CEP44: variants seen among roughly 807,000 people sequenced by gnomAD.
CEP44 encodes centrosomal protein 44, also known as centrosomal protein of 44 kDa.
CEP44 carries 45 observed loss-of-function variants against 46.7 expected under a neutral mutation model. The ratio of observed to expected loss-of-function variants is 0.96; its 90% CI spans 0.76 to 1.24. CEP44 has a LOEUF of 1.24. Among genes scored for constraint, CEP44 ranks in the 50% most tolerant of loss-of-function variants. The pLI, the probability that CEP44 is intolerant of heterozygous loss-of-function variation, is 0.00. For missense variants in CEP44, 475 were observed against 459.7 expected, an observed-to-expected ratio of 1.03 and a Z score of -0.30; for synonymous variants, 142 against 146.0, an observed-to-expected ratio of 0.97 and a Z score of 0.20.
At chr4:174,294,957 C>T (rs1207646734) in intron 1 of CEP44, among the ~76,000 whole-genome samples, 7 of 142,470 alleles carry the variant, frequency 4.9e-5, no homozygotes, top group Admixed American at 6.8e-5. Flanking sequence ...ACCTCCTGGA[C>T]GGGACGGCTG....
rs370951061 is a variant in CEP44 at position 174,316,466 on chromosome 4, G to T, written c.1087-64G>T. 1.5e-5 allele frequency: 22 copies of T among 1,438,828 alleles called. No homozygotes were observed. In the African/African-American group the frequency reaches 3.0e-4, roughly 20 times the overall value. 89.1% of individuals were successfully genotyped at this position (1,438,828 alleles called of 1,614,324 possible). A position where few individuals can be genotyped will look rare whatever the true frequency, so the allele number is the denominator to read the frequency against. On this transcript the variant is annotated intron_variant, in intron 10 of 11. Coordinates refer to ENST00000503780, the MANE Select transcript of CEP44 (RefSeq NM_001040157.3). Reference sequence around the variant, plus strand: ...TTCAAACTGTGTTTTGTACATTCTCGGTCCATCTTTGATGATGGTTTACTT... The same window carrying T: ...TTCAAACTGTGTTTTGTACATTCTCTGTCCATCTTTGATGATGGTTTACTT...
chr4:174,299,093 A>G lies in CEP44; in HGVS notation c.-29A>G. Reference sequence around the variant, plus strand: ...TCAGGTGAAAAATTAGACGATTTCAAGAATTGGAGCTGAATCTGATGTTAA... The same window carrying G: ...TCAGGTGAAAAATTAGACGATTTCAGGAATTGGAGCTGAATCTGATGTTAA... On this transcript the variant is annotated 5_prime_UTR_variant, in exon 3 of 12. Coordinates refer to ENST00000503780, the MANE Select transcript of CEP44 (RefSeq NM_001040157.3). The G allele has an allele frequency of 6.3e-7, 1 of 1,582,350 alleles. No individual in the cohort carries two copies. The highest frequency in any genetic ancestry group is 2.2e-5 in the East Asian group (1 of 44,646).
chr4:174,322,938 C>A (rs1263995955), downstream of CEP44, among the ~76,000 whole-genome samples: 7 of 151,740 alleles, frequency 4.6e-5, no homozygotes, highest in African/African-American at 1.7e-4. Context: ...TATTTTTGAG[C>A]CTAAATGTGA....
chr4:174,312,403 T>G lies in CEP44; in HGVS notation c.961+1545T>G, dbSNP rs763491955. Among the ~76,000 whole-genome samples the G allele has an allele frequency of 1.8e-4, 28 of 152,018 alleles. No individual in the cohort carries two copies. The highest frequency in any genetic ancestry group is 4.0e-4 in the Non-Finnish European group (27 of 67,980). ...CTCCTTGGCTTAAAGTGATCCTCCT[T>G]TCTCAGCCTCCTGAGTAGCTGGGAC... On this transcript the variant is annotated intron_variant, in intron 9 of 11. Coordinates refer to ENST00000503780, the MANE Select transcript of CEP44 (RefSeq NM_001040157.3). This position sits in a 1 kb window ranked among gnomAD's most constrained non-coding sequence, Gnocchi z 4.5.
At chr4:174,327,930 AAC>A (rs975455471) in intron 8 of CEP44, among the ~76,000 whole-genome samples, 6 of 152,230 alleles carry the variant, frequency 3.9e-5, no homozygotes, top group African/African-American at 1.4e-4. Context: ...AAGTTGGAGA[AAC>A]ACTGGTAAAG....
downstream of CEP44, chr4:174,320,466 T>C (rs1372592334): frequency 3.8e-6 from 1 of 260,088 alleles, no homozygotes; most frequent in South Asian, 1.9e-4. Context: ...GTAACTTTGA[T>C]TTTTACTTTT....
chr4:174,307,240 C>G (rs1156496752), intron 6 of CEP44, among the ~76,000 whole-genome samples: 1 of 152,138 alleles, frequency 6.6e-6, no homozygotes, highest in African/African-American at 2.4e-5. Context: ...ACCAAAACAT[C>G]ATGGTACTAG....
chr4:174,294,833 G>C (rs567920984), intron 1 of CEP44, among the ~76,000 whole-genome samples: 5 of 138,646 alleles, frequency 3.6e-5, no homozygotes, highest in Non-Finnish European at 7.9e-5. Context: ...TCCCGGACGG[G>C]ACGGCTGGCC....
At chr4:174,294,999 T>A (rs1366310661) in intron 1 of CEP44, among the ~76,000 whole-genome samples, 5 of 128,022 alleles carry the variant, frequency 3.9e-5, no homozygotes, top group Non-Finnish European at 8.1e-5. Flanking sequence ...CCCACCTCCC[T>A]CCCGGATGGG....
rs963579798 is a variant in CEP44, at chr4:174,314,617, G to A, written c.962-1549G>A. ...TCCTTCACCCTTTATCTGTCTTCCCGGACCTGTTTCCTTTTCCTAGGGCCC... is the reference window on the plus strand; with the variant it reads ...TCCTTCACCCTTTATCTGTCTTCCCAGACCTGTTTCCTTTTCCTAGGGCCC... On this transcript the variant is annotated intron_variant, in intron 9 of 11. Coordinates refer to ENST00000503780, the MANE Select transcript of CEP44 (RefSeq NM_001040157.3). This position sits in a 1 kb window ranked among gnomAD's most constrained non-coding sequence, Gnocchi z 4.1. Among the ~76,000 whole-genome samples the A allele has an allele frequency of 5.3e-5, 8 of 152,024 alleles. No individual in the cohort carries two copies. Among genetic ancestry groups the A allele is most frequent in the African/African-American group, 1.5e-4 (6 of 41,342 alleles).
In CEP44 at chr4:174,312,065, A is replaced by G. The variant is rs1369067112; in HGVS notation, c.961+1207A>G. Among the ~76,000 whole-genome samples, 1 of 152,214 alleles carries G rather than the reference A, an allele frequency of 6.6e-6. No individual in the cohort carries two copies. Among genetic ancestry groups the G allele is most frequent in the Admixed American group, 6.5e-5 (1 of 15,278 alleles). On this transcript the variant is annotated intron_variant, in intron 9 of 11. Transcript: ENST00000503780. The surrounding 1 kb of genome is among the most constrained non-coding windows in gnomAD (Gnocchi z 4.5). ...ATCTTATGGTCTGCCTGTCTAGCAC[A>G]CAGAAAGTATGTCGGTGCTTTTATC...
Position 174,290,087 on chromosome 4 carries a change from C to G in CEP44, c.-148+6144C>G, listed in dbSNP as rs1489858042. Among the ~76,000 whole-genome samples the G allele has an allele frequency of 2.6e-5, 4 of 152,108 alleles. No individual in the cohort carries two copies. ...GCCAGGATGGTCTCAATCTCTTGACCTAGTGACCCGCCTGCCTCAGCCCCC... is the reference window on the plus strand; with the variant it reads ...GCCAGGATGGTCTCAATCTCTTGACGTAGTGACCCGCCTGCCTCAGCCCCC... On this transcript the variant is annotated intron_variant, in intron 1 of 11. Transcript: ENST00000503780. The surrounding 1 kb of genome is among the most constrained non-coding windows in gnomAD (Gnocchi z 4.3).
In CEP44 at chr4:174,304,238, T is replaced by C. The variant is rs992724711; in HGVS notation, c.385-9T>C. The C allele has an allele frequency of 6.3e-7, 1 of 1,576,824 alleles. No individual in the cohort carries two copies. The highest frequency in any genetic ancestry group is 1.4e-5 in the African/African-American group (1 of 72,484). ...AATTTGTTATTTTGACTAATACCTT[T>C]TTTTTTAGATTCCATCACAACAAAG... On this transcript the variant is annotated splice_polypyrimidine_tract_variant and intron_variant, in intron 5 of 11. Coordinates refer to ENST00000503780, the MANE Select transcript of CEP44 (RefSeq NM_001040157.3).
chr4:174,317,544 T>C lies in CEP44; in HGVS notation c.*161T>C. 1 of 1,185,384 alleles carries C rather than the reference T, an allele frequency of 8.4e-7. No homozygotes were observed. The highest frequency in any genetic ancestry group is 4.4e-5 in the Admixed American group (1 of 22,668). The allele number at this position is 1,185,384 out of a possible 1,614,324, so 73.4% of individuals were successfully genotyped here. A position where few individuals can be genotyped will look rare whatever the true frequency, so the allele number is the denominator to read the frequency against. On this transcript the variant is annotated 3_prime_UTR_variant, in exon 12 of 12. Coordinates refer to ENST00000503780, the MANE Select transcript of CEP44 (RefSeq NM_001040157.3). ...TTGCATTCATTATTGAATAACTCTTTTAATATTTTTGAGCAATGATTATAC... is the reference window on the plus strand; with the variant it reads ...TTGCATTCATTATTGAATAACTCTTCTAATATTTTTGAGCAATGATTATAC...
intron 7 of CEP44, 51 bp downstream of exon 7, chr4:174,308,910 T>G (rs1323861883): frequency 1.4e-6 from 2 of 1,470,452 alleles, no homozygotes; most frequent in East Asian, 2.3e-5. Flanking sequence ...TACTTAAATA[T>G]GTGTAATTAT....
At chr4:174,298,951 G>GAA in intron 2 of CEP44, 121 bp from the exon 3 acceptor site, 1 of 547,208 alleles carries the variant, frequency 1.8e-6, no homozygotes, top group African/African-American at 1.9e-5. Flanking sequence ...AGAAGCTCGG[G>GAA]GAAAAAGAGC....
chr4:174,319,747 T>C lies in CEP44; in HGVS notation c.*2364T>C. ...TAATAGGGACTAAAAATCAACTCAA[T>C]ATATCATACATTTACACTTACAAAG... On this transcript the variant is annotated 3_prime_UTR_variant, in exon 12 of 12. Transcript: ENST00000503780. The C allele has an allele frequency of 1.1e-6, 1 of 914,672 alleles. No homozygotes were observed. Among genetic ancestry groups the C allele is most frequent in the Non-Finnish European group, 1.3e-6 (1 of 765,002 alleles). The allele number at this position is 914,672 out of a possible 1,614,324, so 56.7% of individuals were successfully genotyped here. A position where few individuals can be genotyped will look rare whatever the true frequency, so the allele number is the denominator to read the frequency against.
rs2126654352 is a variant in CEP44, at chr4:174,314,244, C to T, written c.962-1922C>T. On this transcript the variant is annotated intron_variant, in intron 9 of 11. Coordinates refer to ENST00000503780, the MANE Select transcript of CEP44 (RefSeq NM_001040157.3). The surrounding 1 kb of genome is among the most constrained non-coding windows in gnomAD (Gnocchi z 4.1). Reference sequence around the variant, plus strand: ...GGGTCCTTGTGTCAGTGGCCATTGCCTTTCCCCTTTCCTTTCCAACCTGAA... The same window carrying T: ...GGGTCCTTGTGTCAGTGGCCATTGCTTTTCCCCTTTCCTTTCCAACCTGAA... Among the ~76,000 whole-genome samples the T allele has an allele frequency of 6.6e-6, 1 of 152,306 alleles. No homozygotes were observed. The highest frequency in any genetic ancestry group is 1.9e-4 in the East Asian group (1 of 5,186).
Position 174,304,287 on chromosome 4 carries a change from C to T in CEP44, c.425C>T (p.Ser142Leu). Residue 142 changes from serine (S) to leucine (L), a missense_variant, in exon 6 of 12, where the codon TCA (serine) becomes TTA (leucine). Ser to Leu is a moderately radical substitution (Grantham distance 145). Transcript: ENST00000503780. ...QQRKKISSGK[S>L]EPPLGNEKIS... Reference sequence around the variant, plus strand: ...AGAAAGAAAATCAGTTCTGGTAAGTCAGAACCTCCTTTGGGCAATGAGAAA... The same window carrying T: ...AGAAAGAAAATCAGTTCTGGTAAGTTAGAACCTCCTTTGGGCAATGAGAAA... 1.9e-6 allele frequency: 3 copies of T among 1,609,534 alleles called. No homozygotes were observed. Among genetic ancestry groups the T allele is most frequent in the Non-Finnish European group, 1.7e-6 (2 of 1,178,850 alleles).
Sources: allele counts gnomAD v4.1 joint callset (sites outside exome capture counted in the v4.1 genomes callset), GRCh38; gene constraint gnomAD v4.1.1; non-coding constraint Gnocchi (gnomAD v3.1); transcripts MANE v1.5; gene names NCBI Gene and HGNC (gene_info 2026-07-23, HGNC 2026-07-21).